GALNT16: variants seen among roughly 807,000 people sequenced by gnomAD.
GALNT16 encodes the protein UDP-GalNAc:polypeptide N-acetylgalactosaminyltransferase-like protein 1.
In GALNT16, 40 loss-of-function variants were observed where a neutral mutation model predicts 76.1. That is an observed-to-expected ratio of 0.53 (90% CI 0.41 to 0.68). GALNT16 has a LOEUF of 0.68. GALNT16 is among the 30% of genes least tolerant of loss of function. The pLI is 0.00. For missense variants in GALNT16, 621 were observed against 731.9 expected (o/e 0.85, Z 1.75); for synonymous variants, 276 against 285.2 (o/e 0.97, Z 0.32).
At chr14:69,262,222 G>A (rs2044284597) in intron 1 of GALNT16, among the ~76,000 whole-genome samples, 2 of 152,218 alleles carry the variant, frequency 1.3e-5, no homozygotes, top group Non-Finnish European at 2.9e-5. Context: ...TGGGCAGGGA[G>A]GAGAGGAGGG....
At position 69,322,924 on chromosome 14, in the gene GALNT16, GGGTGTGTGTGTGTGT is replaced by G. The variant is rs1485207635; in HGVS notation, c.336-1766_336-1752del. 3.8e-3 allele frequency among the ~76,000 whole-genome samples: 401 copies of G among 104,704 alleles called. 6 individuals carry two copies. Among genetic ancestry groups the G allele is most frequent in the African/African-American group, 0.015 (394 of 26,136 alleles). 68.7% of individuals were successfully genotyped at this position (104,704 alleles called of 152,430 possible). A position where few individuals can be genotyped will look rare whatever the true frequency, so the allele number is the denominator to read the frequency against. On this transcript the variant is annotated intron_variant, in intron 2 of 14. Coordinates refer to ENST00000448469, the MANE Select transcript of GALNT16 (RefSeq NM_001168368.2). ...AAAAAGAAAGCTGAGGTGGCTCACGGGGTGTGTGTGTGTGTGTGTGTGTGTGTGTGTGTGTGTGTG... is the reference window on the plus strand; with the variant it reads ...AAAAAGAAAGCTGAGGTGGCTCACGGGTGTGTGTGTGTGTGTGTGTGTGTG...
At chr14:69,337,302 AT>A (rs2045427436) in intron 9 of GALNT16, among the ~76,000 whole-genome samples, 1 of 152,224 alleles carries the variant, frequency 6.6e-6, no homozygotes, top group Admixed American at 6.5e-5. Flanking sequence ...GTTAAAAAAA[AT>A]AAGGCTAAAA....
At chr14:69,260,058 G>T, upstream of GALNT16, 2 of 475,392 alleles carry the variant, frequency 4.2e-6, no homozygotes, top group Admixed American at 3.7e-5. Flanking sequence ...ATGAATGGGC[G>T]CCCGGGGGAC....
intron 3 of GALNT16, 78 bp downstream of exon 3, chr14:69,324,868 G>A: frequency 1.1e-6 from 1 of 900,168 alleles, no homozygotes; most frequent in African/African-American, 1.7e-5. Context: ...TGGCCAGACA[G>A]CTTGAAGCCC....
chr14:69,320,310 C>T (rs745594120), intron 1 of GALNT16, among the ~76,000 whole-genome samples: 1 of 152,138 alleles, frequency 6.6e-6, no homozygotes, highest in Admixed American at 6.6e-5. Flanking sequence ...GCCTAGCCAA[C>T]ACCACGAAAC....
At chr14:69,366,974 G>A in the GALNT16 span, among the ~76,000 whole-genome samples, 1 of 152,166 alleles carries the variant, frequency 6.6e-6, no homozygotes, top group Non-Finnish European at 1.5e-5. Context: ...CTTCCTGGAG[G>A]TGGTGACGCC....
At chr14:69,380,369 G>A in the GALNT16 span, 6 of 433,612 alleles carry the variant, frequency 1.4e-5, no homozygotes, top group Admixed American at 3.9e-5. Context: ...AGGAGGTAAC[G>A]GGGGTTTCCG....
chr14:69,264,731 A>C (rs1305647558), intron 1 of GALNT16, among the ~76,000 whole-genome samples: 1 of 151,998 alleles, frequency 6.6e-6, no homozygotes, highest in African/African-American at 2.4e-5. Context: ...AGGAAGAAGC[A>C]CAAACACCCA....
the GALNT16 span, among the ~76,000 whole-genome samples, chr14:69,377,106 TCTGTGTCCC>T: frequency 3.3e-5 from 5 of 152,248 alleles, no homozygotes; most frequent in Non-Finnish European, 7.3e-5. Flanking sequence ...CAAGCTGTTT[TCTGTGTCCC>T]CTGTGCTTTT....
At chr14:69,300,235 TG>T (rs1272019238) in intron 1 of GALNT16, among the ~76,000 whole-genome samples, 1 of 152,238 alleles carries the variant, frequency 6.6e-6, no homozygotes. Context: ...CACACACACA[TG>T]TGCTCTGATA....
At chr14:69,343,472 A>C (rs1023113160) in intron 12 of GALNT16, among the ~76,000 whole-genome samples, 7 of 152,270 alleles carry the variant, frequency 4.6e-5, no homozygotes, top group African/African-American at 1.7e-4. Context: ...GAGCACTGGC[A>C]GTGTCACTGG....
At position 69,352,802 on chromosome 14, in the gene GALNT16, A is replaced by G; in HGVS notation, c.*634A>G. On this transcript the variant is annotated 3_prime_UTR_variant, in exon 15 of 15. Coordinates refer to ENST00000448469, the MANE Select transcript of GALNT16 (RefSeq NM_001168368.2). ...ATTTGCAAATGAACATGGATAGAAG[A>G]GCAGCAAAGCACCAAAAGAACAAGG... 6.6e-6 allele frequency: 1 copy of G among 152,420 alleles called. No individual in the cohort carries two copies. The highest frequency in any genetic ancestry group is 1.5e-5 in the Non-Finnish European group (1 of 68,168). 9.4% of individuals were successfully genotyped at this position (152,420 alleles called of 1,614,324 possible).
intron 5 of GALNT16, 143 bp from the exon 6 acceptor site, chr14:69,328,307 G>A (rs2045310421): frequency 1.2e-6 from 1 of 829,602 alleles, no homozygotes; most frequent in Non-Finnish European, 1.9e-6. Context: ...CAGGAAACAA[G>A]CAGAAGTATA....
chr14:69,321,090 C>T (rs1001883793), intron 2 of GALNT16, among the ~76,000 whole-genome samples: 3 of 152,212 alleles, frequency 2.0e-5, no homozygotes, highest in Non-Finnish European at 4.4e-5. Context: ...CAAGGAGGCC[C>T]CAAGGCACTT....
intron 2 of GALNT16, among the ~76,000 whole-genome samples, chr14:69,323,238 AC>A (rs2045229520): frequency 1.3e-5 from 2 of 151,858 alleles, no homozygotes; most frequent in South Asian, 4.2e-4. Flanking sequence ...CACAGAGAAA[AC>A]CCCATCAGCT....
chr14:69,364,431 A>T, the GALNT16 span, among the ~76,000 whole-genome samples: 1 of 152,216 alleles, frequency 6.6e-6, no homozygotes. The surrounding 1 kb of genome is among the most constrained non-coding windows in gnomAD (Gnocchi z 4.2). Context: ...GGATGCATCT[A>T]CCTTGTTAGA....
chr14:69,280,875 A>G (rs967966462), intron 1 of GALNT16, among the ~76,000 whole-genome samples: 4 of 151,930 alleles, frequency 2.6e-5, no homozygotes, highest in African/African-American at 4.8e-5. Flanking sequence ...CAGTTTCATG[A>G]TGTTTTCTCT....
intron 2 of GALNT16, 34 bp from the exon 3 acceptor site, chr14:69,324,658 A>T (rs772734573): frequency 1.6e-6 from 2 of 1,272,842 alleles, no homozygotes; most frequent in South Asian, 2.6e-5. Flanking sequence ...GGATGCCCTC[A>T]TGGCTGGCTC....
At chr14:69,267,655 T>C (rs2044357778) in intron 1 of GALNT16, among the ~76,000 whole-genome samples, 1 of 152,168 alleles carries the variant, frequency 6.6e-6, no homozygotes, top group Admixed American at 6.5e-5. Context: ...AAACAGATGT[T>C]GGCTGTCAGC....
Sources: gnomAD v4.1 joint callset for allele counts (sites outside exome capture counted in the v4.1 genomes callset) on GRCh38, gnomAD v4.1.1 for gene constraint, Gnocchi (gnomAD v3.1) non-coding constraint, MANE v1.5 for transcripts, NCBI Gene and HGNC (gene_info 2026-07-23, HGNC 2026-07-21) for gene names.